The following S100PBP variants were observed in gnomAD, a reference collection of about 807,000 sequenced individuals.
S100PBP encodes S100P-binding protein.
Under a neutral mutation model 39.9 loss-of-function variants are expected in S100PBP, and 15 were observed. The ratio of observed to expected loss-of-function variants is 0.38; its 90% CI spans 0.25 to 0.58. S100PBP has a LOEUF of 0.58. Ranked by LOEUF, S100PBP falls within the 20% of genes least tolerant of loss-of-function variation. S100PBP has a pLI of 0.70. For synonymous variants in S100PBP, 178 were observed against 180.3 expected (o/e 0.99, Z 0.10); for missense variants, 504 against 487.3 (o/e 1.03, Z -0.32).
intron 5 of S100PBP, chr1:32,837,036 A>C (rs1252997354): frequency 6.6e-6 from 1 of 151,434 alleles, no homozygotes. Context: ...CAAGAGTTCG[A>C]GACCAGTCTG....
chr1:32,845,965 C>T (rs1640354060), intron 5 of S100PBP, among the ~76,000 whole-genome samples: 1 of 151,928 alleles, frequency 6.6e-6, no homozygotes, highest in South Asian at 2.1e-4. Flanking sequence ...AGGTGTGAGC[C>T]ACTGGGCCTT....
At chr1:32,820,760 T>C (rs535461503) in intron 1 of S100PBP, among the ~76,000 whole-genome samples, 11 of 152,308 alleles carry the variant, frequency 7.2e-5, no homozygotes, top group South Asian at 6.2e-4. Context: ...CCCAGCACTT[T>C]GGAAAACCAA....
At chr1:32,844,825 C>A (rs1640286237) in intron 5 of S100PBP, among the ~76,000 whole-genome samples, 1 of 149,960 alleles carries the variant, frequency 6.7e-6, no homozygotes, top group Non-Finnish European at 1.5e-5. Context: ...CTCTATATAT[C>A]TATATATATA....
At chr1:32,838,439 C>G (rs1639942295) in intron 5 of S100PBP, among the ~76,000 whole-genome samples, 1 of 152,102 alleles carries the variant, frequency 6.6e-6, no homozygotes, top group African/African-American at 2.4e-5. Context: ...CCGGTTGCCC[C>G]CAGCCTTACC....
intron 1 of S100PBP, among the ~76,000 whole-genome samples, chr1:32,823,491 A>G (rs1475674158): frequency 6.6e-6 from 1 of 152,194 alleles, no homozygotes; most frequent in Non-Finnish European, 1.5e-5. Flanking sequence ...AATACAACAA[A>G]ATGATTTCTT....
chr1:32,817,430 G>A, upstream of S100PBP: 1 of 683,596 alleles, frequency 1.5e-6, no homozygotes, highest in Non-Finnish European at 2.5e-6. Context: ...GCAGCAGAGA[G>A]TCGAGCAGGT....
At position 32,826,501 on chromosome 1, in the gene S100PBP, C is replaced by A. The variant is rs777286901; in HGVS notation, c.402C>A (p.Asn134Lys). 8.7e-6 allele frequency: 14 copies of A among 1,614,092 alleles called. No homozygotes were observed. The highest frequency in any genetic ancestry group is 1.1e-5 in the Non-Finnish European group (13 of 1,180,008). Residue 134 changes from asparagine (N) to lysine (K), a missense_variant, in exon 3 of 7, where the codon AAC (asparagine) becomes AAA (lysine). By Grantham distance (94) the Asn-to-Lys change is moderately conservative (BLOSUM62 0). Transcript: ENST00000373475. ...GACCAGCTCATACTAAACCATTAAA[C>A]AGACGCTCTGTACTAGAAAAGAATC... ...GHGPAHTKPL[N>K]RRSVLEKNLI...
intron 5 of S100PBP, chr1:32,843,144 A>T (rs968689166): frequency 6.6e-6 from 1 of 152,188 alleles, no homozygotes; most frequent in African/African-American, 2.4e-5. Flanking sequence ...AAATTCTTTT[A>T]TTAGTTTTAG....
Position 32,826,517 on chromosome 1 carries a change from G to C in S100PBP, c.418G>C (p.Glu140Gln). ...TKPLNRRSVL[E>Q]KNLIKVTVAP... ...ACCATTAAACAGACGCTCTGTACTAGAAAAGAATCTTATAAAAGTAACTGT... is the reference window on the plus strand; with the variant it reads ...ACCATTAAACAGACGCTCTGTACTACAAAAGAATCTTATAAAAGTAACTGT... Residue 140 changes from glutamate to glutamine, a missense_variant, in exon 3 of 7, where the codon GAA (glutamate) becomes CAA (glutamine). Coordinates refer to ENST00000373475, the MANE Select transcript of S100PBP (RefSeq NM_022753.4). 1 of 1,614,070 alleles carries C rather than the reference G, an allele frequency of 6.2e-7. No homozygotes were observed. The highest frequency in any genetic ancestry group is 8.5e-7 in the Non-Finnish European group (1 of 1,180,026).
chr1:32,826,031 A>G (rs1569845195), intron 2 of S100PBP, 67 bp from the exon 3 acceptor site: 2 of 1,061,190 alleles, frequency 1.9e-6, no homozygotes, highest in African/African-American at 1.6e-5. Context: ...TTACCCACAT[A>G]TAGTGGACTG....
intron 1 of S100PBP, among the ~76,000 whole-genome samples, chr1:32,819,321 A>C (rs1332061681): frequency 6.6e-6 from 1 of 152,180 alleles, no homozygotes; most frequent in Non-Finnish European, 1.5e-5. Context: ...TAATCCCAGC[A>C]CTTGGGGAGG....
intron 5 of S100PBP, among the ~76,000 whole-genome samples, chr1:32,839,804 C>T (rs191155794): frequency 1.3e-5 from 2 of 152,106 alleles, no homozygotes; most frequent in East Asian, 3.9e-4. Context: ...ACCACTGCAC[C>T]CAGACTATTT....
At chr1:32,849,388 C>T (rs1186350944) in intron 5 of S100PBP, among the ~76,000 whole-genome samples, 1 of 152,144 alleles carries the variant, frequency 6.6e-6, no homozygotes, top group African/African-American at 2.4e-5. Flanking sequence ...CCGCCTGCCT[C>T]GGCCTCCCAA....
chr1:32,844,810 T>C lies in S100PBP; in HGVS notation c.1025-8269T>C, dbSNP rs75278702. On this transcript the variant is annotated intron_variant, in intron 5 of 6. Coordinates refer to ENST00000373475, the MANE Select transcript of S100PBP (RefSeq NM_022753.4). ...CTCTGTATAGATCTATAGAGAGATA[T>C]ATATCTCTATATATCTATATATATA... 5.4e-4 allele frequency among the ~76,000 whole-genome samples: 82 copies of C among 151,560 alleles called. 3 individuals carry two copies. The East Asian group carries it at 0.015, about 27-fold the overall frequency.
rs1385063312 is a variant in S100PBP, at chr1:32,857,417, T to TCTC, written c.*1382_*1384dup. On this transcript the variant is annotated 3_prime_UTR_variant, in exon 7 of 7. Coordinates refer to ENST00000373475, the MANE Select transcript of S100PBP (RefSeq NM_022753.4). ...CCTCCGCCTCCTGGGTTCAAGGGAT[T>TCTC]CTCCTGTCTTAGCCTCCTGAGTAGC... is the stretch of plus-strand genomic sequence containing the variant. The TCTC allele has an allele frequency of 6.6e-6, 1 of 152,188 alleles. No individual in the cohort carries two copies. Among genetic ancestry groups the TCTC allele is most frequent in the Non-Finnish European group, 1.5e-5 (1 of 68,056 alleles). The allele number at this position is 152,188 out of a possible 1,614,324, so 9.4% of individuals were successfully genotyped here.
intron 5 of S100PBP, chr1:32,834,748 A>C (rs1161811930): frequency 6.6e-6 from 1 of 152,194 alleles, no homozygotes; most frequent in Non-Finnish European, 1.5e-5. Context: ...TACCATGTGA[A>C]TATCCTGTTC....
intron 3 of S100PBP, 81 bp from the exon 4 acceptor site, chr1:32,827,912 T>G: frequency 1.0e-6 from 1 of 964,874 alleles, no homozygotes; most frequent in South Asian, 1.4e-5. Flanking sequence ...AGTTAAAAAA[T>G]ATTTCCATAA....
intron 5 of S100PBP, among the ~76,000 whole-genome samples, chr1:32,837,961 T>C (rs544154451): frequency 6.6e-6 from 1 of 152,298 alleles, no homozygotes; most frequent in African/African-American, 2.4e-5. Context: ...CATGCACAAA[T>C]CTTTGTATAT....
chr1:32,835,244 T>G (rs1055800629), intron 5 of S100PBP: 5 of 152,212 alleles, frequency 3.3e-5, no homozygotes, highest in African/African-American at 4.8e-5. Flanking sequence ...TATAACCTCA[T>G]GGATTTTTTT....
Sources: gnomAD v4.1 joint callset for allele counts (sites outside exome capture counted in the v4.1 genomes callset) on GRCh38, gnomAD v4.1.1 for gene constraint, MANE v1.5 for transcripts, NCBI Gene and HGNC (gene_info 2026-07-23, HGNC 2026-07-21) for gene names.